The following PCDHA13 variants were observed in gnomAD, a reference collection of about 807,000 sequenced individuals.
PCDHA13 encodes protocadherin alpha 13, also known as protocadherin alpha-13.
In PCDHA13, 54 loss-of-function variants were observed where a neutral mutation model predicts 64.8. The observed-to-expected ratio is 0.83, with a 90% confidence interval of 0.67 to 1.04. PCDHA13 has a LOEUF of 1.04. Among genes scored for constraint, PCDHA13 ranks in the 50% least tolerant of loss-of-function variants. The probability of loss-of-function intolerance (pLI) is 0.00; values close to 1 mark genes in which losing one functional copy is unlikely to be tolerated. For synonymous variants in PCDHA13, 587 were observed against 564.4 expected (o/e 1.04, Z -0.57); for missense variants, 1,248 against 1,254.3 (o/e 0.99, Z 0.08).
chr5:140,968,574 T>A (rs2096256536), intron 1 of PCDHA13: 1 of 1,614,218 alleles, frequency 6.2e-7, no homozygotes, highest in Non-Finnish European at 8.5e-7. Flanking sequence ...GCTGGCTACC[T>A]GGTCACCAAA....
intron 3 of PCDHA13, 56 bp downstream of exon 3, chr5:140,982,619 C>G (rs561557496): frequency 7.5e-6 from 12 of 1,589,654 alleles, no homozygotes; most frequent in Middle Eastern, 3.4e-4. Context: ...GATCAGATGA[C>G]CTACTTTTGT....
intron 1 of PCDHA13, among the ~76,000 whole-genome samples, chr5:140,973,258 C>T (rs952911948): frequency 1.3e-5 from 2 of 152,168 alleles, no homozygotes; most frequent in African/African-American, 4.8e-5. Flanking sequence ...CTTTCAGTGG[C>T]ACCTACTTTT....
intron 2 of PCDHA13, among the ~76,000 whole-genome samples, chr5:140,979,467 ATTG>A (rs1219222898): frequency 6.6e-6 from 1 of 151,680 alleles, no homozygotes; most frequent in Non-Finnish European, 1.5e-5. Context: ...ATTGATTGCT[ATTG>A]TTGTTTGTGT....
chr5:140,941,111 G>T (rs1477407055), intron 1 of PCDHA13, among the ~76,000 whole-genome samples: 2 of 152,090 alleles, frequency 1.3e-5, no homozygotes, highest in Non-Finnish European at 2.9e-5. Context: ...TTACTGGAAA[G>T]ATTAGTCCTT....
intron 3 of PCDHA13, among the ~76,000 whole-genome samples, chr5:140,984,430 A>T (rs1236503699): frequency 6.6e-6 from 1 of 152,080 alleles, no homozygotes; most frequent in East Asian, 1.9e-4. Flanking sequence ...AGAGAAGGGG[A>T]TCTCCCTTGT....
Position 140,882,213 on chromosome 5 carries a change from T to C in PCDHA13, c.-56T>C. On this transcript the variant is annotated 5_prime_UTR_variant, in exon 1 of 4. Transcript: ENST00000289272. Reference sequence around the variant, plus strand: ...ATAAAAATTGGGCCTTGAGAGACAGTTTGAGGTAAGGCGTTGTATATATTG... The same window carrying C: ...ATAAAAATTGGGCCTTGAGAGACAGCTTGAGGTAAGGCGTTGTATATATTG... 2 of 1,538,576 alleles carry C rather than the reference T, an allele frequency of 1.3e-6. No individual in the cohort carries two copies. Among genetic ancestry groups the C allele is most frequent in the Non-Finnish European group, 1.8e-6 (2 of 1,142,292 alleles).
chr5:140,953,444 G>C (rs2094887278), intron 1 of PCDHA13, among the ~76,000 whole-genome samples: 1 of 152,088 alleles, frequency 6.6e-6, no homozygotes, highest in South Asian at 2.1e-4. Context: ...GGAGAAACTA[G>C]GGATTATCTG....
chr5:140,925,503 C>T (rs1210013790), intron 1 of PCDHA13, among the ~76,000 whole-genome samples: 1 of 151,978 alleles, frequency 6.6e-6, no homozygotes, highest in Non-Finnish European at 1.5e-5. Context: ...TCCCAATATC[C>T]ACGCAAAAGA....
At chr5:140,919,217 G>T (rs1427737864) in intron 1 of PCDHA13, among the ~76,000 whole-genome samples, 1 of 152,090 alleles carries the variant, frequency 6.6e-6, no homozygotes, top group Non-Finnish European at 1.5e-5. Context: ...TGTCCTTCTT[G>T]ATTTCTAGTA....
chr5:140,928,424 C>A, intron 1 of PCDHA13: 1 of 1,614,184 alleles, frequency 6.2e-7, no homozygotes, highest in Non-Finnish European at 8.5e-7. Context: ...ACTGCCAAAA[C>A]TTCCTTTGAC....
chr5:140,986,753 A>C (rs2097211895), intron 3 of PCDHA13, among the ~76,000 whole-genome samples: 1 of 152,236 alleles, frequency 6.6e-6, no homozygotes, highest in Non-Finnish European at 1.5e-5. Flanking sequence ...CTGGGACTAA[A>C]CAGTGAAAGA....
At chr5:140,975,330 A>G (rs563974651) in intron 1 of PCDHA13, among the ~76,000 whole-genome samples, 1 of 152,320 alleles carries the variant, frequency 6.6e-6, no homozygotes, top group African/African-American at 2.4e-5. Flanking sequence ...CATCCAGATG[A>G]TCTCCCTTTC....
chr5:141,002,673 C>T (rs2098090242), intron 3 of PCDHA13, among the ~76,000 whole-genome samples: 3 of 152,180 alleles, frequency 2.0e-5, no homozygotes, highest in Admixed American at 2.0e-4. Context: ...GGACCAAAAC[C>T]TATACGACGT....
intron 1 of PCDHA13, among the ~76,000 whole-genome samples, chr5:140,952,740 C>T (rs2094790841): frequency 1.3e-5 from 2 of 152,184 alleles, no homozygotes; most frequent in African/African-American, 2.4e-5. Flanking sequence ...TTTTCTCACA[C>T]TGCTATAAAA....
chr5:140,964,363 G>A (rs1050460842), intron 1 of PCDHA13, among the ~76,000 whole-genome samples: 1 of 152,188 alleles, frequency 6.6e-6, no homozygotes, highest in Non-Finnish European at 1.5e-5. Flanking sequence ...GATGACAAGA[G>A]TGCTGAAAGG....
chr5:140,967,023 G>A, intron 1 of PCDHA13: 1 of 1,608,160 alleles, frequency 6.2e-7, no homozygotes, highest in South Asian at 1.1e-5. Context: ...GGTGCGCCCA[G>A]TCCGCGCTAC....
At chr5:141,005,304 A>G (rs2098205361) in intron 3 of PCDHA13, among the ~76,000 whole-genome samples, 1 of 152,200 alleles carries the variant, frequency 6.6e-6, no homozygotes, top group Non-Finnish European at 1.5e-5. Context: ...GCCTTTGTGA[A>G]TCTTACAGTG....
chr5:140,933,441 C>T (rs1197059199), intron 1 of PCDHA13, among the ~76,000 whole-genome samples: 1 of 151,990 alleles, frequency 6.6e-6, no homozygotes, highest in African/African-American at 2.4e-5. Flanking sequence ...ACTCTAATGA[C>T]ATACCTTCAA....
chr5:140,961,071 G>T (rs1344860284), intron 1 of PCDHA13, among the ~76,000 whole-genome samples: 1 of 152,208 alleles, frequency 6.6e-6, no homozygotes, highest in Non-Finnish European at 1.5e-5. Flanking sequence ...GATATCTGGA[G>T]TATCAAGTAA....
Sources: gnomAD v4.1 joint callset for allele counts (sites outside exome capture counted in the v4.1 genomes callset) on GRCh38, gnomAD v4.1.1 for gene constraint, MANE v1.5 for transcripts, NCBI Gene and HGNC (gene_info 2026-07-23, HGNC 2026-07-21) for gene names.